The following SNX33 variants were observed in gnomAD, a reference collection of about 807,000 sequenced individuals.
The protein encoded by SNX33 is sorting nexin-33.
In SNX33, 19 loss-of-function variants were observed where a neutral mutation model predicts 38.8. The observed-to-expected ratio is 0.49, with a 90% CI of 0.34 to 0.72. The LOEUF (loss-of-function observed/expected upper bound fraction) is 0.72. Ranked by LOEUF, SNX33 falls within the 30% of genes least tolerant of loss-of-function variation. The pLI is 0.01. For missense variants in SNX33, 641 were observed against 776.4 expected, an observed-to-expected ratio of 0.83 and a Z score of 2.07; for synonymous variants, 246 against 289.7, an observed-to-expected ratio of 0.85 and a Z score of 1.53.
chr15:75,648,730 G>A lies in SNX33; in HGVS notation c.-373G>A. 4.5e-6 allele frequency: 1 copy of A among 221,162 alleles called. No individual in the cohort carries two copies. Among genetic ancestry groups the A allele is most frequent in the Non-Finnish European group, 7.9e-6 (1 of 126,354 alleles). 13.7% of individuals were successfully genotyped at this position (221,162 alleles called of 1,614,324 possible). A position where few individuals can be genotyped will look rare whatever the true frequency, so the allele number is the denominator to read the frequency against. ...TTAGAACGTTGTTCCAGTGGAAAGT[G>A]TCGAATTTTTCCCCTCGCAGGGCAG... On this transcript the variant is annotated 5_prime_UTR_variant, in exon 1 of 2. Transcript: ENST00000308527. The surrounding 1 kb of genome is among the most constrained non-coding windows in gnomAD (Gnocchi z 4.4).
At position 75,649,371 on chromosome 15, in the gene SNX33, T is replaced by G. The variant is rs1292806517; in HGVS notation, c.269T>G (p.Val90Gly). Residue 90 changes from valine to glycine, a missense_variant, in exon 1 of 2, where the codon GTG becomes GGG. By Grantham distance (109) the Val-to-Gly change is moderately radical. Transcript: ENST00000308527. The surrounding 1 kb of genome is among the most constrained non-coding windows in gnomAD (Gnocchi z 6.6). ...AQVSLYNSPSVASPARSGGGS... is the reference protein window; with the variant it reads ...AQVSLYNSPSGASPARSGGGS... ...GTGAGCTTGTACAACAGCCCCAGTG[T>G]GGCCAGCCCAGCTAGGAGTGGTGGG... 6.4e-7 allele frequency: 1 copy of G among 1,556,928 alleles called. No homozygotes were observed. Among genetic ancestry groups the G allele is most frequent in the Admixed American group, 1.9e-5 (1 of 53,962 alleles).
chr15:75,650,300 T>C lies in SNX33; in HGVS notation c.1198T>C (p.Ser400Pro). The C allele has an allele frequency of 6.3e-7, 1 of 1,592,456 alleles. No individual in the cohort carries two copies. The highest frequency in any genetic ancestry group is 8.6e-7 in the Non-Finnish European group (1 of 1,167,546). Residue 400 changes from serine (S) to proline (P), a missense_variant, in exon 1 of 2, where the codon TCA becomes CCA. Physicochemically the swap from Ser to Pro is moderately conservative, Grantham distance 74. This residue lies in a region of SNX33 where 398 missense variants were observed against 542.5 expected (regional missense o/e 0.73). Transcript: ENST00000308527. This position sits in a 1 kb window ranked among gnomAD's most constrained non-coding sequence, Gnocchi z 6.1. ...DSVLQLSTVA[S>P]ELVRKHVGGF... ...CGTCCTGCAGCTCAGCACTGTGGCATCAGAGCTGGTGCGTAAACATGTGGG... is the reference window on the plus strand; with the variant it reads ...CGTCCTGCAGCTCAGCACTGTGGCACCAGAGCTGGTGCGTAAACATGTGGG...
At position 75,649,456 on chromosome 15, in the gene SNX33, T is replaced by C. The variant is rs1323893126; in HGVS notation, c.354T>C (p.Asp118=). 49 of 1,536,878 alleles carry C rather than the reference T, an allele frequency of 3.2e-5. No homozygotes were observed. Among genetic ancestry groups the C allele is most frequent in the Non-Finnish European group, 4.1e-5 (47 of 1,139,840 alleles). ...AGGAGGATGATGATGATGACTGGGA[T>C]GACTGGGACGACGGATGCACAGTGG... ...SFEEDDDDDW[D]DWDDGCTVVE... is the part of the protein sequence containing the mutation. The change falls in exon 1 of 2, where the codon GAT becomes GAC. Residue 118 remains aspartate (D), a synonymous_variant. Coordinates refer to ENST00000308527, the MANE Select transcript of SNX33 (RefSeq NM_153271.2). This position sits in a 1 kb window ranked among gnomAD's most constrained non-coding sequence, Gnocchi z 6.6.
rs778330019 is a variant in SNX33 at position 75,649,189 on chromosome 15, C to T, written c.87C>T (p.Ile29=). ...TCCAGCAGGATGAGGACCTGGTCATCTTTAGCGAGACCTCACTGGATGGCT... is the reference window on the plus strand; with the variant it reads ...TCCAGCAGGATGAGGACCTGGTCATTTTTAGCGAGACCTCACTGGATGGCT... ...ISIQQDEDLV[I]FSETSLDGWL... Residue 29 remains isoleucine, a synonymous_variant, in exon 1 of 2, where the codon ATC becomes ATT. Coordinates refer to ENST00000308527, the MANE Select transcript of SNX33 (RefSeq NM_153271.2). This position sits in a 1 kb window ranked among gnomAD's most constrained non-coding sequence, Gnocchi z 6.6. 6.2e-7 allele frequency: 1 copy of T among 1,614,152 alleles called. No individual in the cohort carries two copies. The highest frequency in any genetic ancestry group is 1.7e-5 in the Admixed American group (1 of 60,010).
In SNX33 at chr15:75,649,318, C is replaced by T; in HGVS notation, c.216C>T (p.Ser72=). ...GISTNHADYS[S]SPAGSPGAQV... ...GCACCAACCATGCTGACTACTCCAG[C>T]AGCCCTGCAGGCTCTCCCGGAGCCC... Residue 72 remains serine, a synonymous_variant, in exon 1 of 2, where the codon AGC becomes AGT. Transcript: ENST00000308527. The surrounding 1 kb of genome is among the most constrained non-coding windows in gnomAD (Gnocchi z 6.6). 6.3e-7 allele frequency: 1 copy of T among 1,595,192 alleles called. No individual in the cohort carries two copies.
In SNX33 at chr15:75,656,994, A is replaced by T. The variant is rs1893660449; in HGVS notation, c.1504A>T (p.Met502Leu). The T allele has an allele frequency of 2.5e-6, 4 of 1,613,778 alleles. No homozygotes were observed. In the African/African-American group the frequency reaches 4.0e-5, roughly 16 times the overall value. The change falls in exon 2 of 2, where the codon ATG becomes TTG. Residue 502 changes from methionine (M) to leucine (L), a missense_variant. This residue lies in a region of SNX33 where 398 missense variants were observed against 542.5 expected (regional missense o/e 0.73). Coordinates refer to ENST00000308527, the MANE Select transcript of SNX33 (RefSeq NM_153271.2). ...AFAKVKESQR[M>L]SDEGRMVQDE... ...CGCCAAGGTGAAGGAGAGCCAACGC[A>T]TGAGTGACGAGGGCCGCATGGTGCA...
chr15:75,650,616 C>T lies in SNX33; in HGVS notation c.1471+43C>T, dbSNP rs779262863. ...CAGGAAACTCGTCCTGAGTCTGGCT[C>T]TCTGCTGGGCCCTGGGGAGATGGGG... On this transcript the variant is annotated intron_variant, in intron 1 of 1. Transcript: ENST00000308527. This position sits in a 1 kb window ranked among gnomAD's most constrained non-coding sequence, Gnocchi z 6.1. The T allele has an allele frequency of 1.9e-6, 3 of 1,541,354 alleles. No homozygotes were observed. The South Asian group carries it at 3.8e-5, about 20-fold the overall frequency.
Position 75,649,842 on chromosome 15 carries a change from A to T in SNX33, c.740A>T (p.Lys247Ile). Reference protein sequence around the residue: ...PTKQTKFKGIKSYISYKLTPT... With the variant: ...PTKQTKFKGIISYISYKLTPT... ...AAACAGACCAAATTCAAGGGCATCA[A>T]AAGCTACATCTCCTACAAGCTCACA... Residue 247 changes from lysine to isoleucine, a missense_variant, in exon 1 of 2, where the codon AAA becomes ATA. Around this residue, in one of 2 missense-constraint regions of SNX33, gnomAD observed 398 missense variants for 542.5 expected, o/e 0.73. Coordinates refer to ENST00000308527, the MANE Select transcript of SNX33 (RefSeq NM_153271.2). This position sits in a 1 kb window ranked among gnomAD's most constrained non-coding sequence, Gnocchi z 6.6. The T allele has an allele frequency of 6.6e-7, 1 of 1,523,606 alleles. No homozygotes were observed. The highest frequency in any genetic ancestry group is 8.8e-7 in the Non-Finnish European group (1 of 1,136,392). 94.4% of individuals were successfully genotyped at this position (1,523,606 alleles called of 1,614,324 possible).
rs769445409 is a variant in SNX33 at position 75,656,928 on chromosome 15, C to T, written c.1472-34C>T. The T allele has an allele frequency of 2.5e-6, 4 of 1,598,306 alleles. No homozygotes were observed. In the East Asian group the frequency reaches 9.0e-5, roughly 36 times the overall value. ...ACAGGGAGCACATGGAGATCAGAGCCCTCACACGCTGTCCTCTGCTCTGCC... is the reference window on the plus strand; with the variant it reads ...ACAGGGAGCACATGGAGATCAGAGCTCTCACACGCTGTCCTCTGCTCTGCC... On this transcript the variant is annotated intron_variant, in intron 1 of 1. Transcript: ENST00000308527.
rs11638663 is a variant in SNX33 at position 75,657,822 on chromosome 15, G to A, written c.*607G>A. On this transcript the variant is annotated 3_prime_UTR_variant, in exon 2 of 2. Coordinates refer to ENST00000308527, the MANE Select transcript of SNX33 (RefSeq NM_153271.2). This position sits in a 1 kb window ranked among gnomAD's most constrained non-coding sequence, Gnocchi z 5.5. ...CAAGGGCCTGCCAGACAGTACATGGGGGAGAAGGACTTTCAGGGGAGAGGA... is the reference window on the plus strand; with the variant it reads ...CAAGGGCCTGCCAGACAGTACATGGAGGAGAAGGACTTTCAGGGGAGAGGA... The A allele has an allele frequency of 0.094, 14,670 of 156,606 alleles. 804 individuals are homozygous for A. Among genetic ancestry groups the A allele is most frequent in the South Asian group, 0.19 (963 of 5,160 alleles). 9.7% of individuals were successfully genotyped at this position (156,606 alleles called of 1,614,324 possible).
Position 75,656,505 on chromosome 15 carries a change from A to G in SNX33, c.1472-457A>G, listed in dbSNP as rs537047962. Among the ~76,000 whole-genome samples, 22 of 152,282 alleles carry G rather than the reference A, an allele frequency of 1.4e-4. No homozygotes were observed. The South Asian group carries it at 4.6e-3, about 32-fold the overall frequency. ...CTTGGGATACCTCTTTAGATGCTGC[A>G]GAGAACCTGTCAGAGGCTGGGGCGG... On this transcript the variant is annotated intron_variant, in intron 1 of 1. Coordinates refer to ENST00000308527, the MANE Select transcript of SNX33 (RefSeq NM_153271.2).
At chr15:75,656,825 G>A in intron 1 of SNX33, 137 bp from the exon 2 acceptor site, 1 of 1,359,330 alleles carries the variant, frequency 7.4e-7, no homozygotes, top group Non-Finnish European at 9.9e-7. Context: ...GAGACACCCA[G>A]GTGGCTGGAA....
chr15:75,650,078 T>C lies in SNX33; in HGVS notation c.976T>C (p.Tyr326His), dbSNP rs1402879811. 1 of 1,613,910 alleles carries C rather than the reference T, an allele frequency of 6.2e-7. No homozygotes were observed. The highest frequency in any genetic ancestry group is 8.5e-7 in the Non-Finnish European group (1 of 1,179,986). The part of the protein sequence containing the change: ...HMTSHPVLSQ[Y>H]EGFQHFLSCL... ...GACCAGCCACCCTGTGCTCTCCCAGTACGAAGGCTTCCAGCATTTCCTCAG... is the reference window on the plus strand; with the variant it reads ...GACCAGCCACCCTGTGCTCTCCCAGCACGAAGGCTTCCAGCATTTCCTCAG... The change falls in exon 1 of 2, where the codon TAC (tyrosine) becomes CAC (histidine). Residue 326 changes from tyrosine (Y) to histidine (H), a missense_variant. Transcript: ENST00000308527. The surrounding 1 kb of genome is among the most constrained non-coding windows in gnomAD (Gnocchi z 6.1).
Position 75,649,480 on chromosome 15 carries a change from G to A in SNX33, c.378G>A (p.Val126=). The A allele has an allele frequency of 1.3e-6, 2 of 1,551,166 alleles. No individual in the cohort carries two copies. The highest frequency in any genetic ancestry group is 1.7e-6 in the Non-Finnish European group (2 of 1,145,690). The change falls in exon 1 of 2, where the codon GTG becomes GTA. Residue 126 remains valine (V), a synonymous_variant. Transcript: ENST00000308527. The surrounding 1 kb of genome is among the most constrained non-coding windows in gnomAD (Gnocchi z 6.6). ...DWDDWDDGCT[V]VEEPRAGGLG... ...ATGACTGGGACGACGGATGCACAGT[G>A]GTGGAGGAGCCACGGGCTGGTGGGC...
chr15:75,653,874 C>T (rs1331655751), intron 1 of SNX33, among the ~76,000 whole-genome samples: 7 of 151,980 alleles, frequency 4.6e-5, no homozygotes, highest in Admixed American at 3.3e-4. Context: ...CCGAAGTGGG[C>T]GGATCACAGG....
At chr15:75,655,464 A>C (rs1050931426) in intron 1 of SNX33, among the ~76,000 whole-genome samples, 3 of 152,098 alleles carry the variant, frequency 2.0e-5, no homozygotes, top group Non-Finnish European at 2.9e-5. Context: ...GGGAATGCAG[A>C]TTTCTTTTGG....
chr15:75,649,788 C>T lies in SNX33; in HGVS notation c.686C>T (p.Pro229Leu). The T allele has an allele frequency of 1.3e-6, 2 of 1,520,626 alleles. No homozygotes were observed. The highest frequency in any genetic ancestry group is 1.8e-6 in the Non-Finnish European group (2 of 1,133,684). 94.2% of individuals were successfully genotyped at this position (1,520,626 alleles called of 1,614,324 possible). ...CCCCAGTGGAAGGCCAATCCCCACC[C>T]ATTTGCCTGCTCTGTGGAGGACCCC... ...RGPQWKANPH[P>L]FACSVEDPTK... Residue 229 changes from proline to leucine, a missense_variant, in exon 1 of 2, where the codon CCA (proline) becomes CTA (leucine). Pro to Leu is a moderately conservative substitution (Grantham distance 98). This residue lies in a region of SNX33 where 398 missense variants were observed against 542.5 expected (regional missense o/e 0.73). Coordinates refer to ENST00000308527, the MANE Select transcript of SNX33 (RefSeq NM_153271.2). This position sits in a 1 kb window ranked among gnomAD's most constrained non-coding sequence, Gnocchi z 6.6.
chr15:75,661,452 G>GA lies in SNX33; in HGVS notation c.*4242dup, dbSNP rs1893722074. The stretch of plus-strand genomic sequence containing the variant: ...TGAGCCCTGGTAGGAAGACCATGGG[G>GA]AAAAATCAAACCTCACCACCCCCCG... On this transcript the variant is annotated 3_prime_UTR_variant, in exon 2 of 2. Coordinates refer to ENST00000308527, the MANE Select transcript of SNX33 (RefSeq NM_153271.2). This position sits in a 1 kb window ranked among gnomAD's most constrained non-coding sequence, Gnocchi z 4.5. The GA allele has an allele frequency of 6.6e-6, 1 of 152,182 alleles. No homozygotes were observed. The highest frequency in any genetic ancestry group is 1.5e-5 in the Non-Finnish European group (1 of 68,060). The allele number at this position is 152,182 out of a possible 1,614,324, so 9.4% of individuals were successfully genotyped here. A position where few individuals can be genotyped will look rare whatever the true frequency, so the allele number is the denominator to read the frequency against.
chr15:75,649,310 T>A lies in SNX33; in HGVS notation c.208T>A (p.Tyr70Asn), dbSNP rs376935129. 5.0e-6 allele frequency: 8 copies of A among 1,603,560 alleles called. No homozygotes were observed. The South Asian group carries it at 8.9e-5, about 18-fold the overall frequency. ...RSGISTNHAD[Y>N]SSSPAGSPGA... ...TGGCATCAGCACCAACCATGCTGAC[T>A]ACTCCAGCAGCCCTGCAGGCTCTCC... is the stretch of plus-strand genomic sequence containing the variant. Residue 70 changes from tyrosine to asparagine, a missense_variant, in exon 1 of 2, where the codon TAC becomes AAC. Around this residue, in one of 2 missense-constraint regions of SNX33, gnomAD observed 243 missense variants for 233.9 expected, o/e 1.04. Transcript: ENST00000308527. The surrounding 1 kb of genome is among the most constrained non-coding windows in gnomAD (Gnocchi z 6.6).
Sources: gnomAD v4.1 joint callset for allele counts (sites outside exome capture counted in the v4.1 genomes callset) on GRCh38, gnomAD v4.1.1 for gene constraint, gnomAD v4.1.1 regional missense constraint, Gnocchi (gnomAD v3.1) non-coding constraint, MANE v1.5 for transcripts, NCBI Gene and HGNC (gene_info 2026-07-23, HGNC 2026-07-21) for gene names.